AKAP19: variants seen among roughly 807,000 people sequenced by gnomAD.
The protein encoded by AKAP19 is A-kinase anchoring protein 19.
the AKAP19 span, among the ~76,000 whole-genome samples, chr2:189,920,577 C>G: frequency 6.6e-6 from 1 of 152,188 alleles, no homozygotes; most frequent in Admixed American, 6.5e-5. Context: ...GGATAAGAAG[C>G]AATCCTGCCC....
At chr2:189,973,963 TTG>T in the AKAP19 span, among the ~76,000 whole-genome samples, 1 of 152,310 alleles carries the variant, frequency 6.6e-6, no homozygotes, top group African/African-American at 2.4e-5. Context: ...GAAGGTTTTT[TTG>T]TGTCTCTATT....
At chr2:190,145,031 T>C in the AKAP19 span, among the ~76,000 whole-genome samples, 1 of 152,182 alleles carries the variant, frequency 6.6e-6, no homozygotes, top group Middle Eastern at 3.4e-3. Flanking sequence ...CTGCAATCCA[T>C]CCCAGCACTT....
the AKAP19 span, among the ~76,000 whole-genome samples, chr2:189,963,069 G>A: frequency 1.3e-5 from 2 of 152,066 alleles, no homozygotes; most frequent in East Asian, 3.9e-4. Flanking sequence ...AATGTTCATA[G>A]CATCTTCACC....
At chr2:189,993,441 G>A in the AKAP19 span, among the ~76,000 whole-genome samples, 6 of 152,146 alleles carry the variant, frequency 3.9e-5, no homozygotes, top group African/African-American at 1.4e-4. Context: ...ATGTTCATCA[G>A]GGATATTGGT....
chr2:189,966,793 T>C, the AKAP19 span, among the ~76,000 whole-genome samples: 9 of 152,216 alleles, frequency 5.9e-5, no homozygotes, highest in Admixed American at 6.5e-5. Context: ...GGAACGTGCA[T>C]AGAGATATAT....
the AKAP19 span, among the ~76,000 whole-genome samples, chr2:190,175,939 C>T: frequency 3.6e-4 from 55 of 152,266 alleles, no homozygotes; most frequent in Non-Finnish European, 7.3e-4. Flanking sequence ...CCCCTTTAAA[C>T]GAGGCTTCTT....
At chr2:190,111,094 A>G in the AKAP19 span, among the ~76,000 whole-genome samples, 3 of 152,174 alleles carry the variant, frequency 2.0e-5, no homozygotes, top group African/African-American at 7.2e-5. Context: ...CTCTTCTGGG[A>G]GAGCACAGAG....
chr2:189,898,173 C>T, the AKAP19 span, among the ~76,000 whole-genome samples: 1 of 147,708 alleles, frequency 6.8e-6, no homozygotes, highest in South Asian at 2.1e-4. Context: ...GCCTAGGCTA[C>T]AGAACAAGAC....
the AKAP19 span, among the ~76,000 whole-genome samples, chr2:190,195,361 T>C: frequency 2.6e-5 from 4 of 152,190 alleles, no homozygotes; most frequent in African/African-American, 9.6e-5. Context: ...TGCTGGATCA[T>C]ACAGTAAGAA....
chr2:190,015,292 A>T, the AKAP19 span, among the ~76,000 whole-genome samples: 4 of 152,212 alleles, frequency 2.6e-5, no homozygotes, highest in Non-Finnish European at 4.4e-5. Flanking sequence ...GGAGGTTCCC[A>T]AACCTCAATT....
chr2:189,989,208 G>T, the AKAP19 span, among the ~76,000 whole-genome samples: 1 of 152,112 alleles, frequency 6.6e-6, no homozygotes, highest in East Asian at 1.9e-4. Flanking sequence ...AACATCTCAA[G>T]GATAACTACT....
the AKAP19 span, among the ~76,000 whole-genome samples, chr2:189,984,230 G>A: frequency 6.6e-6 from 1 of 152,154 alleles, no homozygotes; most frequent in Non-Finnish European, 1.5e-5. Context: ...CACTATGGGA[G>A]ACTGGAGTCT....
At chr2:189,973,436 T>G in the AKAP19 span, among the ~76,000 whole-genome samples, 1 of 152,186 alleles carries the variant, frequency 6.6e-6, no homozygotes, top group Non-Finnish European at 1.5e-5. Context: ...GATATTGGTC[T>G]AAAATTCTCT....
chr2:190,150,185 T>C, the AKAP19 span: 1 of 152,270 alleles, frequency 6.6e-6, no homozygotes, highest in Non-Finnish European at 1.5e-5. Context: ...TCCCCCTCTG[T>C]GGAGTCTGCA....
chr2:190,163,455 CAAAAAA>C, the AKAP19 span, among the ~76,000 whole-genome samples: 8 of 136,690 alleles, frequency 5.9e-5, no homozygotes, highest in South Asian at 9.3e-4. Context: ...AAACAAAAAA[CAAAAAA>C]AAAAAAAACT....
the AKAP19 span, among the ~76,000 whole-genome samples, chr2:190,074,043 G>GAA: frequency 4.9e-4 from 58 of 118,006 alleles, no homozygotes; most frequent in Admixed American, 1.1e-3. Context: ...TTCCGTCTCA[G>GAA]AAAAAAAAAA....
the AKAP19 span, among the ~76,000 whole-genome samples, chr2:190,013,447 AT>A: frequency 2.6e-5 from 4 of 151,232 alleles, no homozygotes; most frequent in East Asian, 1.9e-4. Flanking sequence ...TTTAGTTATA[AT>A]TTTTTTCTCT....
chr2:190,176,593 C>T, the AKAP19 span, among the ~76,000 whole-genome samples: 13 of 152,178 alleles, frequency 8.5e-5, no homozygotes, highest in Non-Finnish European at 2.9e-5. The surrounding 1 kb of genome is among the most constrained non-coding windows in gnomAD (Gnocchi z 4.7). Context: ...CGTGATCTGC[C>T]TGCCTTGGCC....
At chr2:189,977,284 T>C in the AKAP19 span, among the ~76,000 whole-genome samples, 1 of 152,242 alleles carries the variant, frequency 6.6e-6, no homozygotes, top group East Asian at 1.9e-4. Context: ...ATATATAATG[T>C]AAGTAACATA....
Sources: allele counts gnomAD v4.1 joint callset (sites outside exome capture counted in the v4.1 genomes callset), GRCh38; gene constraint gnomAD v4.1.1; non-coding constraint Gnocchi (gnomAD v3.1); transcripts MANE v1.5; gene names NCBI Gene and HGNC (gene_info 2026-07-23, HGNC 2026-07-21).